Variants in SPPL2A observed in about 807,000 individuals in gnomAD.
The protein encoded by SPPL2A is signal peptide peptidase like 2A, also known as signal peptide peptidase-like 2A.
A neutral mutation model predicts 63.8 loss-of-function variants in SPPL2A; 51 were observed. That is an observed-to-expected ratio of 0.80 (90% CI 0.64 to 1.01). The LOEUF is 1.01. Ranked by LOEUF, SPPL2A falls within the 50% of genes least tolerant of loss-of-function variation. The pLI, the probability that SPPL2A is intolerant of heterozygous loss-of-function variation, is 0.00. For missense variants in SPPL2A, 553 were observed against 622.7 expected, an observed-to-expected ratio of 0.89 and a Z score of 1.19; for synonymous variants, 188 against 205.8, an observed-to-expected ratio of 0.91 and a Z score of 0.74.
At chr15:50,714,379 C>T (rs1301249127) in intron 14 of SPPL2A, among the ~76,000 whole-genome samples, 1 of 152,188 alleles carries the variant, frequency 6.6e-6, no homozygotes, top group Non-Finnish European at 1.5e-5. Flanking sequence ...CGCCTATAAT[C>T]CCAGCACTTT....
At chr15:50,724,763 T>C (rs904346739) in intron 12 of SPPL2A, among the ~76,000 whole-genome samples, 1 of 152,228 alleles carries the variant, frequency 6.6e-6, no homozygotes, top group African/African-American at 2.4e-5. Flanking sequence ...AGTTCCACTA[T>C]AAACTGTGTC....
intron 14 of SPPL2A, among the ~76,000 whole-genome samples, chr15:50,717,745 G>A (rs1321840324): frequency 6.6e-6 from 1 of 152,066 alleles, no homozygotes; most frequent in Non-Finnish European, 1.5e-5. Context: ...AGCCTCGGAA[G>A]ACATGGTTCC....
intron 1 of SPPL2A, among the ~76,000 whole-genome samples, chr15:50,759,459 A>G (rs1319998708): frequency 1.3e-5 from 2 of 152,078 alleles, no homozygotes; most frequent in Non-Finnish European, 2.9e-5. Context: ...AATAAGAAAA[A>G]AAGGCCAGGC....
At chr15:50,757,948 C>T (rs1191225950) in intron 1 of SPPL2A, among the ~76,000 whole-genome samples, 3 of 148,460 alleles carry the variant, frequency 2.0e-5, no homozygotes, top group African/African-American at 7.5e-5. Flanking sequence ...CGAGCCACTG[C>T]GCTCCAGCCT....
intron 13 of SPPL2A, among the ~76,000 whole-genome samples, 198 bp downstream of exon 13, chr15:50,721,926 A>G (rs1330299143): frequency 4.6e-5 from 7 of 151,868 alleles, no homozygotes; most frequent in Admixed American, 4.6e-4. Flanking sequence ...TTTTTTAGAG[A>G]TGGGGTCTCA....
chr15:50,713,317 T>A (rs926440252), intron 14 of SPPL2A, among the ~76,000 whole-genome samples: 2 of 150,118 alleles, frequency 1.3e-5, no homozygotes, highest in African/African-American at 2.5e-5. Flanking sequence ...CAGGCTAGAG[T>A]GCAGTGGCAC....
intron 6 of SPPL2A, among the ~76,000 whole-genome samples, chr15:50,738,309 G>A (rs565096763): frequency 3.3e-5 from 5 of 152,272 alleles, no homozygotes; most frequent in South Asian, 2.1e-4. Flanking sequence ...AGCACTTTGG[G>A]AGGCCAAGGC....
chr15:50,747,893 T>C (rs1297307561), intron 4 of SPPL2A: 3 of 460,654 alleles, frequency 6.5e-6, no homozygotes, highest in Non-Finnish European at 7.6e-6. Flanking sequence ...TGACAAGAGA[T>C]TTTTAAAGAA....
chr15:50,765,511 G>A lies in SPPL2A; in HGVS notation c.23C>T (p.Ser8Phe), dbSNP rs1024485397. 1.3e-5 allele frequency: 20 copies of A among 1,500,448 alleles called. No homozygotes were observed. In the East Asian group the frequency reaches 3.6e-4, roughly 27 times the overall value. 92.9% of individuals were successfully genotyped at this position (1,500,448 alleles called of 1,614,324 possible). The change falls in exon 1 of 15, where the codon TCC becomes TTC. Residue 8 changes from serine to phenylalanine, a missense_variant. Physicochemically the swap from Ser to Phe is radical, Grantham distance 155. Transcript: ENST00000261854. ...CCAGAGTAGGGCGGCCCCGGCAGGGGACAGCCGCCGCTGCGGCCCCATCGG... is the reference window on the plus strand; with the variant it reads ...CCAGAGTAGGGCGGCCCCGGCAGGGAACAGCCGCCGCTGCGGCCCCATCGG... MGPQRRLSPAGAALLWGF... is the reference protein window; with the variant it reads MGPQRRLFPAGAALLWGF...
chr15:50,720,177 C>T (rs2062633515), intron 13 of SPPL2A, 77 bp from the exon 14 acceptor site: 1 of 1,150,270 alleles, frequency 8.7e-7, no homozygotes, highest in African/African-American at 1.6e-5. Context: ...CATTTATGTA[C>T]TGGTTTTCAA....
intron 14 of SPPL2A, among the ~76,000 whole-genome samples, chr15:50,719,722 GTT>G (rs10708490): frequency 1.6e-4 from 24 of 147,934 alleles, no homozygotes; most frequent in Admixed American, 1.1e-3. Flanking sequence ...GTCCTCTGCT[GTT>G]TTTTTTTTTG....
At chr15:50,735,516 C>T (rs1012366700) in intron 8 of SPPL2A, among the ~76,000 whole-genome samples, 1 of 145,892 alleles carries the variant, frequency 6.9e-6, no homozygotes, top group Non-Finnish European at 1.5e-5. Flanking sequence ...CACACACATA[C>T]ATATATACAC....
At chr15:50,745,868 T>C (rs1398609612) in intron 5 of SPPL2A, among the ~76,000 whole-genome samples, 2 of 150,334 alleles carry the variant, frequency 1.3e-5, no homozygotes, top group East Asian at 2.0e-4. Flanking sequence ...CTGGCCAACA[T>C]GGTGAAAACT....
chr15:50,744,649 TACAG>T (rs1338456241), intron 5 of SPPL2A, among the ~76,000 whole-genome samples: 1 of 152,240 alleles, frequency 6.6e-6, no homozygotes, highest in Non-Finnish European at 1.5e-5. Context: ...TAAATTAAAA[TACAG>T]ACATGCTTTA....
At chr15:50,717,930 G>A (rs2062609818) in intron 14 of SPPL2A, among the ~76,000 whole-genome samples, 1 of 145,526 alleles carries the variant, frequency 6.9e-6, no homozygotes, top group South Asian at 2.2e-4. Context: ...TTTATTGTTA[G>A]TGACTTTATG....
chr15:50,749,923 T>C (rs2062893595), intron 1 of SPPL2A, 177 bp from the exon 2 acceptor site: 2 of 595,894 alleles, frequency 3.4e-6, no homozygotes, highest in East Asian at 5.6e-5. Context: ...ATATTAAAAC[T>C]ATACACAATT....
intron 8 of SPPL2A, among the ~76,000 whole-genome samples, chr15:50,733,595 A>G (rs1324319639): frequency 6.6e-6 from 1 of 152,222 alleles, no homozygotes; most frequent in African/African-American, 2.4e-5. Flanking sequence ...GCTCCAGGAC[A>G]TTGGTCTTGG....
In SPPL2A at chr15:50,738,783, G is replaced by C. The variant is rs937074111; in HGVS notation, c.733+897C>G. Reference sequence around the variant, plus strand: ...TTAAGCCATTAATAAGACTGTTCAGGAGATGGACAAGCCATTATAGTTCCT... The same window carrying C: ...TTAAGCCATTAATAAGACTGTTCAGCAGATGGACAAGCCATTATAGTTCCT... On this transcript the variant is annotated intron_variant, in intron 6 of 14. Transcript: ENST00000261854. Among the ~76,000 whole-genome samples, 28 of 152,004 alleles carry C rather than the reference G, an allele frequency of 1.8e-4. 1 individual carries two copies. Among genetic ancestry groups the C allele is most frequent in the Admixed American group, 1.3e-4 (2 of 15,246 alleles).
At position 50,736,127 on chromosome 15, in the gene SPPL2A, A is replaced by C; in HGVS notation, c.906T>G (p.Val302=). ...TGTCTTCATTTCGAAACACAGCCCA[A>C]ACAACAGCTACTGCTATGCACAGTC... ...LSGLCIAVAV[V]WAVFRNEDRW... The change falls in exon 8 of 15, where the codon GTT becomes GTG. Residue 302 remains valine, a synonymous_variant. Transcript: ENST00000261854. The C allele has an allele frequency of 6.2e-7, 1 of 1,612,130 alleles. No individual in the cohort carries two copies. Among genetic ancestry groups the C allele is most frequent in the South Asian group, 1.1e-5 (1 of 91,054 alleles).
Sources: gnomAD v4.1 joint callset for allele counts (sites outside exome capture counted in the v4.1 genomes callset) on GRCh38, gnomAD v4.1.1 for gene constraint, MANE v1.5 for transcripts, NCBI Gene and HGNC (gene_info 2026-07-23, HGNC 2026-07-21) for gene names.